KSR2: variants seen among roughly 807,000 people sequenced by gnomAD.
KSR2 encodes kinase suppressor of ras 2.
A neutral mutation model predicts 107.8 loss-of-function variants in KSR2; 25 were observed. That is an observed-to-expected ratio of 0.23 (90% CI 0.17 to 0.32). The LOEUF (loss-of-function observed/expected upper bound fraction) is 0.32, where lower values mean the gene tolerates loss of function less well. Ranked by LOEUF, KSR2 falls within the 10% of genes least tolerant of loss-of-function variation. The pLI is 1.00. For synonymous variants in KSR2, 480 were observed against 507.0 expected (o/e 0.95, Z 0.71); for missense variants, 887 against 1,268.9 (o/e 0.70, Z 4.57).
chr12:117,956,249 C>CATA (rs1491387208), intron 1 of KSR2, among the ~76,000 whole-genome samples: 5 of 47,478 alleles, frequency 1.1e-4, no homozygotes, highest in Admixed American at 8.6e-4. Flanking sequence ...GACTCTGTCT[C>CATA]AAAAAAAAAA....
chr12:117,785,518 T>A (rs1172189715), intron 3 of KSR2, among the ~76,000 whole-genome samples: 1 of 150,502 alleles, frequency 6.6e-6, no homozygotes, highest in East Asian at 2.0e-4. Context: ...GCAGGCATTA[T>A]GACCATGCTC....
At chr12:117,550,153 T>C (rs968745555) in intron 9 of KSR2, among the ~76,000 whole-genome samples, 1 of 152,100 alleles carries the variant, frequency 6.6e-6, no homozygotes. Context: ...CTTCATTCTG[T>C]AGGAGGGGAT....
chr12:117,797,401 G>A lies in KSR2; in HGVS notation c.473-35877C>T, dbSNP rs183041113. 2.0e-5 allele frequency among the ~76,000 whole-genome samples: 3 copies of A among 152,296 alleles called. No individual in the cohort carries two copies. In the East Asian group the frequency reaches 5.8e-4, roughly 29 times the overall value. On this transcript the variant is annotated intron_variant, in intron 3 of 19. Transcript: ENST00000339824. Reference sequence around the variant, plus strand: ...AGATGCAAAGTGTCACATCTTACAGGATTCCACTTACAGGAAATGTCCAGA... The same window carrying A: ...AGATGCAAAGTGTCACATCTTACAGAATTCCACTTACAGGAAATGTCCAGA...
intron 4 of KSR2, among the ~76,000 whole-genome samples, chr12:117,740,515 A>ATATATG (rs199603884): frequency 0.061 from 6,299 of 103,290 alleles, 176 homozygotes; most frequent in South Asian, 0.12. Context: ...CATTTATATA[A>ATATATG]TATATAGTAC....
intron 4 of KSR2, among the ~76,000 whole-genome samples, chr12:117,738,792 T>C (rs1439439797): frequency 6.6e-6 from 1 of 152,074 alleles, no homozygotes; most frequent in African/African-American, 2.4e-5. Context: ...GGAGAATCGC[T>C]TGAACCCAGG....
At chr12:117,696,013 C>T (rs1232593849) in intron 4 of KSR2, among the ~76,000 whole-genome samples, 1 of 152,162 alleles carries the variant, frequency 6.6e-6, no homozygotes, top group Admixed American at 6.5e-5. Context: ...GAGGCTGGTT[C>T]CCTTCTACCT....
chr12:117,777,926 G>C (rs1889752116), intron 3 of KSR2, among the ~76,000 whole-genome samples: 1 of 152,014 alleles, frequency 6.6e-6, no homozygotes, highest in East Asian at 1.9e-4. Flanking sequence ...CCAGCGACTT[G>C]GGTGGCTGAG....
intron 5 of KSR2, among the ~76,000 whole-genome samples, chr12:117,630,092 G>A (rs969747779): frequency 4.6e-5 from 7 of 152,138 alleles, no homozygotes; most frequent in Non-Finnish European, 7.3e-5. Context: ...TCCTTCCCCC[G>A]CAGAGGAAGA....
intron 4 of KSR2, among the ~76,000 whole-genome samples, chr12:117,676,592 A>AC (rs1664573631): frequency 6.6e-6 from 1 of 152,218 alleles, no homozygotes. Context: ...GGCTAAAAAA[A>AC]TGTTAAGTAA....
At chr12:117,731,810 C>T (rs1418499662) in intron 4 of KSR2, among the ~76,000 whole-genome samples, 1 of 150,410 alleles carries the variant, frequency 6.6e-6, no homozygotes. Context: ...GCAAGATGTG[C>T]TTTGTTAAAC....
At chr12:117,840,179 C>T (rs1002055699) in intron 3 of KSR2, among the ~76,000 whole-genome samples, 1 of 151,536 alleles carries the variant, frequency 6.6e-6, no homozygotes, top group South Asian at 2.1e-4. Flanking sequence ...CTGTCTGCAG[C>T]GTCCGCCTCC....
intron 14 of KSR2, among the ~76,000 whole-genome samples, chr12:117,511,336 C>T (rs192925793): frequency 6.2e-4 from 95 of 152,208 alleles, no homozygotes; most frequent in African/African-American, 2.0e-3. Flanking sequence ...TACTTTATAC[C>T]CAAGAGTAAG....
intron 4 of KSR2, among the ~76,000 whole-genome samples, chr12:117,746,906 G>A (rs1330597210): frequency 6.6e-6 from 1 of 152,126 alleles, no homozygotes; most frequent in Non-Finnish European, 1.5e-5. Context: ...CAGTCAGAAT[G>A]GTGATTATTA....
chr12:117,524,303 C>T (rs970648572), intron 14 of KSR2, among the ~76,000 whole-genome samples: 6 of 152,190 alleles, frequency 3.9e-5, no homozygotes, highest in African/African-American at 1.4e-4. Context: ...AGAGGGGGAA[C>T]TAGACCCGAT....
intron 4 of KSR2, among the ~76,000 whole-genome samples, chr12:117,740,357 GTA>G (rs201184804): frequency 0.19 from 24,962 of 130,786 alleles, 3,044 homozygotes; most frequent in South Asian, 0.28. Context: ...ACTATATATA[GTA>G]TATATATATT....
chr12:117,862,848 C>T (rs1269312022), intron 1 of KSR2, among the ~76,000 whole-genome samples: 1 of 151,754 alleles, frequency 6.6e-6, no homozygotes, highest in East Asian at 1.9e-4. Context: ...TCCTGCCTCA[C>T]CCTCCCGAGT....
At chr12:117,863,728 G>T (rs1893385864) in intron 1 of KSR2, among the ~76,000 whole-genome samples, 1 of 152,092 alleles carries the variant, frequency 6.6e-6, no homozygotes, top group Non-Finnish European at 1.5e-5. Context: ...GTCTCACGGG[G>T]CTAAAGTCAA....
intron 1 of KSR2, chr12:117,889,402 C>A (rs1237352907): frequency 6.6e-6 from 1 of 152,132 alleles, no homozygotes; most frequent in Admixed American, 6.5e-5. Flanking sequence ...TTACAGAGAC[C>A]TCAAACTTTC....
chr12:117,485,778 C>G, intron 14 of KSR2, 87 bp from the exon 15 acceptor site: 2 of 885,438 alleles, frequency 2.3e-6, no homozygotes, highest in Admixed American at 3.6e-5. Context: ...CAAATGATGG[C>G]ATAGACACGT....
Sources: gnomAD v4.1 joint callset for allele counts (sites outside exome capture counted in the v4.1 genomes callset) on GRCh38, gnomAD v4.1.1 for gene constraint, MANE v1.5 for transcripts, NCBI Gene and HGNC (gene_info 2026-07-23, HGNC 2026-07-21) for gene names.